Variants in CDH23 observed in about 807,000 individuals in gnomAD.
The protein encoded by CDH23 is cadherin related 23.
CDH23 carries 189 observed loss-of-function variants against 317.1 expected under a neutral mutation model. The observed-to-expected ratio is 0.60, with a 90% CI of 0.53 to 0.67. The LOEUF (loss-of-function observed/expected upper bound fraction) is 0.67, where lower values mean the gene tolerates loss of function less well. Ranked by LOEUF, CDH23 falls within the 30% of genes least tolerant of loss-of-function variation. The pLI, the probability that CDH23 is intolerant of heterozygous loss-of-function variation, is 0.00. For synonymous variants in CDH23, 1,839 were observed against 1,876.8 expected, an observed-to-expected ratio of 0.98 and a Z score of 0.52; for missense variants, 4,401 against 4,592.4, an observed-to-expected ratio of 0.96 and a Z score of 1.20.
intron 6 of CDH23, among the ~76,000 whole-genome samples, chr10:71,527,644 T>C (rs1855115667): frequency 6.6e-6 from 1 of 152,160 alleles, no homozygotes; most frequent in Non-Finnish European, 1.5e-5. Flanking sequence ...GTGTTCCATC[T>C]TGAATATAGC....
At chr10:71,654,147 A>G (rs1043438685) in intron 14 of CDH23, among the ~76,000 whole-genome samples, 1 of 152,202 alleles carries the variant, frequency 6.6e-6, no homozygotes, top group Non-Finnish European at 1.5e-5. Context: ...CGCAGACGAT[A>G]GTTGCTGCCA....
chr10:71,538,213 CGATACACTAGG>C (rs1855806758), intron 6 of CDH23, among the ~76,000 whole-genome samples: 1 of 152,186 alleles, frequency 6.6e-6, no homozygotes, highest in African/African-American at 2.4e-5. Context: ...AGTTCATTTC[CGATACACTAGG>C]GGTTGACGAA....
intron 41 of CDH23, among the ~76,000 whole-genome samples, chr10:71,780,196 G>C (rs571144102): frequency 7.9e-5 from 12 of 152,320 alleles, no homozygotes; most frequent in Admixed American, 5.2e-4. Flanking sequence ...TATTTCTTGA[G>C]TACCTCCAGT....
chr10:71,615,456 C>G lies in CDH23; in HGVS notation c.833-48C>G, dbSNP rs757298185. 3 of 1,392,862 alleles carry G rather than the reference C, an allele frequency of 2.2e-6. No homozygotes were observed. The Admixed American group carries it at 5.1e-5, about 24-fold the overall frequency. 86.3% of individuals were successfully genotyped at this position (1,392,862 alleles called of 1,614,324 possible). ...TGCCCCCCTGCCCCCAGCTCCATGC[C>G]CCCCTGCCCTGTGCCTGGTCACACC... On this transcript the variant is annotated intron_variant, in intron 9 of 69. Coordinates refer to ENST00000224721, the MANE Select transcript of CDH23 (RefSeq NM_022124.6).
chr10:71,656,856 G>A (rs1863438697), intron 14 of CDH23, among the ~76,000 whole-genome samples: 1 of 152,140 alleles, frequency 6.6e-6, no homozygotes, highest in Non-Finnish European at 1.5e-5. Context: ...ATCGTGGGTA[G>A]CAAGTCTAGG....
At chr10:71,408,429 C>T (rs543475918) in intron 1 of CDH23, among the ~76,000 whole-genome samples, 6 of 152,290 alleles carry the variant, frequency 3.9e-5, no homozygotes, top group Non-Finnish European at 5.9e-5. Flanking sequence ...ATCAGCATCT[C>T]GTGCCTGACC....
At chr10:71,553,705 G>A (rs1280593146) in intron 6 of CDH23, among the ~76,000 whole-genome samples, 2 of 152,220 alleles carry the variant, frequency 1.3e-5, no homozygotes, top group Non-Finnish European at 1.5e-5. Context: ...CCCGCCCTGA[G>A]GAGATTTGCA....
chr10:71,773,117 T>C (rs1397605627), intron 38 of CDH23, among the ~76,000 whole-genome samples: 1 of 152,234 alleles, frequency 6.6e-6, no homozygotes, highest in Non-Finnish European at 1.5e-5. Context: ...GGGACAGCCC[T>C]GCCTGCCACT....
intron 34 of CDH23, among the ~76,000 whole-genome samples, chr10:71,735,996 A>G (rs113384160): frequency 0.042 from 6,471 of 152,260 alleles, 458 homozygotes; most frequent in African/African-American, 0.15. Flanking sequence ...CATTCATACA[A>G]TGGGCCCACC....
intron 28 of CDH23, among the ~76,000 whole-genome samples, chr10:71,722,183 G>A (rs1866588524): frequency 2.0e-5 from 3 of 152,236 alleles, no homozygotes; most frequent in Non-Finnish European, 1.5e-5. Flanking sequence ...GCTCATGCCT[G>A]TAATCCCACC....
chr10:71,689,079 AGGGGTGGTGG>A (rs1270449436), intron 19 of CDH23, among the ~76,000 whole-genome samples: 4 of 139,532 alleles, frequency 2.9e-5, no homozygotes, highest in East Asian at 2.1e-4. Flanking sequence ...TGGTGGAGCC[AGGGGTGGTGG>A]AGCCAGGGGT....
In CDH23 at chr10:71,739,712, T is replaced by G; in HGVS notation, c.4428T>G (p.Ile1476Met). 1 of 1,613,526 alleles carries G rather than the reference T, an allele frequency of 6.2e-7. No homozygotes were observed. The highest frequency in any genetic ancestry group is 8.5e-7 in the Non-Finnish European group (1 of 1,179,736). The stretch of plus-strand genomic sequence containing the variant: ...AGATCGTCACCACCAATGACTCCAT[T>G]GGCGAAGTGTTTGTGGCCAGGCCCC... The part of the protein sequence containing the change: ...AFEIVTTNDS[I>M]GEVFVARPLD... The change falls in exon 36 of 70, where the codon ATT becomes ATG. Residue 1476 changes from isoleucine (I) to methionine (M), a missense_variant. By Grantham distance (10) the Ile-to-Met change is conservative (BLOSUM62 1). Coordinates refer to ENST00000224721, the MANE Select transcript of CDH23 (RefSeq NM_022124.6).
chr10:71,812,422 G>A (rs1447590662), intron 66 of CDH23, 58 bp from the exon 67 acceptor site: 1 of 1,610,326 alleles, frequency 6.2e-7, no homozygotes, highest in African/African-American at 1.3e-5. Flanking sequence ...AGGCTGGAAG[G>A]GCACCTGTCT....
At chr10:71,438,676 C>G (rs1849734691) in intron 1 of CDH23, among the ~76,000 whole-genome samples, 1 of 152,192 alleles carries the variant, frequency 6.6e-6, no homozygotes, top group African/African-American at 2.4e-5. Flanking sequence ...TCCTCCAGCT[C>G]TATTCACTGC....
intron 34 of CDH23, chr10:71,737,582 C>G (rs1476073423): frequency 4.7e-6 from 2 of 424,858 alleles, no homozygotes; most frequent in South Asian, 1.7e-5. Flanking sequence ...TCAGCAGGAC[C>G]TGGGAGCCCC....
At chr10:71,403,374 T>G (rs1450574650) in intron 1 of CDH23, among the ~76,000 whole-genome samples, 6 of 113,062 alleles carry the variant, frequency 5.3e-5, no homozygotes, top group African/African-American at 2.8e-4. Flanking sequence ...TTTCTTTCTT[T>G]CTTTCTTTCT....
chr10:71,503,585 G>A (rs1217486274), intron 3 of CDH23, among the ~76,000 whole-genome samples: 1 of 152,206 alleles, frequency 6.6e-6, no homozygotes, highest in Non-Finnish European at 1.5e-5. Flanking sequence ...ACAAGGAATA[G>A]GCAGGTCAGG....
chr10:71,728,189 TC>T (rs965340988), intron 30 of CDH23, among the ~76,000 whole-genome samples: 10 of 151,556 alleles, frequency 6.6e-5, no homozygotes, highest in Non-Finnish European at 1.2e-4. Flanking sequence ...CCATGCAAAC[TC>T]CCCCCCGCAC....
chr10:71,739,529 C>T, intron 35 of CDH23, 115 bp from the exon 36 acceptor site: 1 of 1,312,218 alleles, frequency 7.6e-7, no homozygotes, highest in Non-Finnish European at 1.0e-6. Flanking sequence ...TCCCAAAAGC[C>T]CTTGCTCAAC....
Sources: allele counts gnomAD v4.1 joint callset (sites outside exome capture counted in the v4.1 genomes callset), GRCh38; gene constraint gnomAD v4.1.1; transcripts MANE v1.5; gene names NCBI Gene and HGNC (gene_info 2026-07-23, HGNC 2026-07-21).